Variants in CEP85L observed in about 807,000 individuals in gnomAD.
The protein encoded by CEP85L is centrosomal protein 85L.
In CEP85L, 60 loss-of-function variants were observed where a neutral mutation model predicts 100.3. That is an observed-to-expected ratio of 0.60 (90% CI 0.49 to 0.74). The LOEUF is 0.74. Among genes scored for constraint, CEP85L ranks in the 30% least tolerant of loss-of-function variants. The pLI is 0.00. For synonymous variants in CEP85L, 319 were observed against 322.7 expected, an observed-to-expected ratio of 0.99 and a Z score of 0.12; for missense variants, 973 against 936.2, an observed-to-expected ratio of 1.04 and a Z score of -0.51.
At chr6:118,706,833 G>C (rs1325298309) in intron 1 of CEP85L, among the ~76,000 whole-genome samples, 1 of 151,958 alleles carries the variant, frequency 6.6e-6, no homozygotes, top group South Asian at 2.1e-4. Context: ...TTCTCGCTTA[G>C]CTACTCTTCC....
chr6:118,483,798 G>T lies in CEP85L; in HGVS notation c.1498C>A (p.Gln500Lys). 1 of 1,613,582 alleles carries T rather than the reference G, an allele frequency of 6.2e-7. No individual in the cohort carries two copies. The highest frequency in any genetic ancestry group is 8.5e-7 in the Non-Finnish European group (1 of 1,179,752). ...ATTCTTCTCTGCTTTTCTTTGTTTTGTTCAGATTCCTTCTGGCATTTCTTT... is the reference window on the plus strand; with the variant it reads ...ATTCTTCTCTGCTTTTCTTTGTTTTTTTCAGATTCCTTCTGGCATTTCTTT... ...LKKKCQKESE[Q>K]NKEKQRRIET... Residue 500 changes from glutamine to lysine, a missense_variant, in exon 7 of 13, where the codon CAA becomes AAA. Gln to Lys is a moderately conservative substitution (Grantham distance 53). Around this residue, in one of 3 missense-constraint regions of CEP85L, gnomAD observed 890 missense variants for 844.5 expected, o/e 1.05. Coordinates refer to ENST00000368491, the MANE Select transcript of CEP85L (RefSeq NM_001042475.3).
chr6:118,543,563 C>T (rs1289447151), intron 3 of CEP85L, among the ~76,000 whole-genome samples: 1 of 152,180 alleles, frequency 6.6e-6, no homozygotes, highest in Non-Finnish European at 1.5e-5. Flanking sequence ...GAGATATTCA[C>T]TTATTACTTG....
chr6:118,585,944 C>T (rs1025427217), intron 2 of CEP85L, among the ~76,000 whole-genome samples: 1 of 152,082 alleles, frequency 6.6e-6, no homozygotes, highest in Non-Finnish European at 1.5e-5. Context: ...AGAAGCATTT[C>T]CATGTTGTAC....
At chr6:118,651,112 G>A in intron 1 of CEP85L, 85 bp downstream of exon 1, 1 of 1,424,708 alleles carries the variant, frequency 7.0e-7, no homozygotes, top group Non-Finnish European at 9.1e-7. Context: ...CAGGCCTGAG[G>A]CGGGAGGGGA....
At chr6:118,571,443 C>CT (rs1250461528) in intron 2 of CEP85L, among the ~76,000 whole-genome samples, 1 of 152,202 alleles carries the variant, frequency 6.6e-6, no homozygotes, top group Non-Finnish European at 1.5e-5. Flanking sequence ...CTGATATAGT[C>CT]TGATAATGCA....
chr6:118,571,243 A>T (rs932413726), intron 2 of CEP85L, among the ~76,000 whole-genome samples: 2 of 152,222 alleles, frequency 1.3e-5, no homozygotes, highest in Admixed American at 1.3e-4. Context: ...ACCTAATTGT[A>T]GCCACAAATC....
At chr6:118,647,042 AT>A in intron 1 of CEP85L, 3 of 985,362 alleles carry the variant, frequency 3.0e-6, no homozygotes, top group Non-Finnish European at 3.6e-6. Context: ...CCCAATACCT[AT>A]TATGAAAGAA....
intron 2 of CEP85L, among the ~76,000 whole-genome samples, chr6:118,612,862 T>G (rs1772742130): frequency 6.6e-6 from 1 of 151,778 alleles, no homozygotes; most frequent in Non-Finnish European, 1.5e-5. Flanking sequence ...TTTGTAGAGA[T>G]CAGTAAAATC....
chr6:118,485,629 C>T (rs73766513), intron 6 of CEP85L, among the ~76,000 whole-genome samples: 4,115 of 152,220 alleles, frequency 0.027, 192 homozygotes, highest in African/African-American at 0.094. Flanking sequence ...AATACAATTC[C>T]CTTTTTACAG....
intron 5 of CEP85L, among the ~76,000 whole-genome samples, chr6:118,505,437 A>AAAAAAAC: frequency 6.9e-6 from 1 of 144,726 alleles, no homozygotes; most frequent in Non-Finnish European, 1.5e-5. Context: ...AAAAAAAAAA[A>AAAAAAAC]AGTTAACACA....
At chr6:118,704,948 A>G (rs1176506936) in intron 1 of CEP85L, among the ~76,000 whole-genome samples, 1 of 151,878 alleles carries the variant, frequency 6.6e-6, no homozygotes, top group Admixed American at 6.6e-5. Flanking sequence ...AGTATTTACC[A>G]CATTTCTGTT....
In CEP85L at chr6:118,481,953, A is replaced by G; in HGVS notation, c.1591-20T>C. 6.8e-7 allele frequency: 1 copy of G among 1,460,906 alleles called. No individual in the cohort carries two copies. The highest frequency in any genetic ancestry group is 9.2e-7 in the Non-Finnish European group (1 of 1,089,572). The allele number at this position is 1,460,906 out of a possible 1,614,324, so 90.5% of individuals were successfully genotyped here. A position where few individuals can be genotyped will look rare whatever the true frequency, so the allele number is the denominator to read the frequency against. ...CTGCAGCTAAGGAGAAATGTTTTAC[A>G]GTTCATTACACATGAAATATTAAAT... On this transcript the variant is annotated intron_variant, in intron 7 of 12. Transcript: ENST00000368491.
intron 1 of CEP85L, among the ~76,000 whole-genome samples, chr6:118,673,624 G>A (rs1562352673): frequency 1.3e-5 from 2 of 152,170 alleles, no homozygotes; most frequent in African/African-American, 4.8e-5. Flanking sequence ...CAGACACTTG[G>A]AATGCCGATT....
chr6:118,554,431 G>C (rs561645942), intron 3 of CEP85L, among the ~76,000 whole-genome samples: 1 of 152,202 alleles, frequency 6.6e-6, no homozygotes, highest in East Asian at 1.9e-4. Context: ...ATAGATGTGA[G>C]CCACCATGCC....
At position 118,465,175 on chromosome 6, in the gene CEP85L, C is replaced by T; in HGVS notation, c.*230G>A. On this transcript the variant is annotated 3_prime_UTR_variant, in exon 13 of 13. Transcript: ENST00000368491. Reference sequence around the variant, plus strand: ...AGTTTGAGAATATAGACATTTTTTTCCTTGTAGATTTTATCATATTTTCCA... The same window carrying T: ...AGTTTGAGAATATAGACATTTTTTTTCTTGTAGATTTTATCATATTTTCCA... 2.2e-6 allele frequency: 1 copy of T among 451,738 alleles called. No homozygotes were observed. Among genetic ancestry groups the T allele is most frequent in the African/African-American group, 2.0e-5 (1 of 49,792 alleles). 28.0% of individuals were successfully genotyped at this position (451,738 alleles called of 1,614,324 possible). A position where few individuals can be genotyped will look rare whatever the true frequency, so the allele number is the denominator to read the frequency against.
At chr6:118,637,717 A>AAAAAAAAAAAAAT (rs1774601114) in intron 1 of CEP85L, among the ~76,000 whole-genome samples, 1 of 150,754 alleles carries the variant, frequency 6.6e-6, no homozygotes, top group African/African-American at 2.4e-5. Flanking sequence ...AAAAAAAAAA[A>AAAAAAAAAAAAAT]AAAAAAAAAG....
At chr6:118,595,689 TTATAAGG>T (rs1223879306) in intron 2 of CEP85L, among the ~76,000 whole-genome samples, 1 of 152,214 alleles carries the variant, frequency 6.6e-6, no homozygotes, top group Non-Finnish European at 1.5e-5. Flanking sequence ...AGTGTGTAAA[TTATAAGG>T]TATATTTGTC....
intron 2 of CEP85L, among the ~76,000 whole-genome samples, chr6:118,567,233 GTGTGTGTGTGTGTGTGTATATATATA>G (rs1393642008): frequency 0.011 from 979 of 85,824 alleles, 10 homozygotes; most frequent in African/African-American, 0.039. Flanking sequence ...GTGTGTGTGT[GTGTGTGTGTGTGTGTGTATATATATA>G]TATATATATA....
chr6:118,496,376 A>ATTTTATTTTATTTTAT (rs1774925735), intron 5 of CEP85L, among the ~76,000 whole-genome samples: 1 of 150,400 alleles, frequency 6.6e-6, no homozygotes, highest in Non-Finnish European at 1.5e-5. Flanking sequence ...ATTTTATTTT[A>ATTTTATTTTATTTTAT]TTTTATTTTA....
Sources: gnomAD v4.1 joint callset for allele counts (sites outside exome capture counted in the v4.1 genomes callset) on GRCh38, gnomAD v4.1.1 for gene constraint, gnomAD v4.1.1 regional missense constraint, MANE v1.5 for transcripts, NCBI Gene and HGNC (gene_info 2026-07-23, HGNC 2026-07-21) for gene names.